Variants in PHACTR3 observed in about 807,000 individuals in gnomAD.
PHACTR3 encodes phosphatase and actin regulator 3, also known as protein phosphatase 1, regulatory subunit 123.
PHACTR3 carries 16 observed loss-of-function variants against 66.8 expected under a neutral mutation model. The observed-to-expected ratio is 0.24, with a 90% confidence interval of 0.16 to 0.36. The LOEUF (loss-of-function observed/expected upper bound fraction) is 0.36. Ranked by LOEUF, PHACTR3 falls within the 10% of genes least tolerant of loss-of-function variation. The probability of loss-of-function intolerance (pLI) is 1.00; values close to 1 mark genes in which losing one functional copy is unlikely to be tolerated. For synonymous variants in PHACTR3, 323 were observed against 292.1 expected (o/e 1.11, Z -1.08); for missense variants, 647 against 719.9 (o/e 0.90, Z 1.16).
In PHACTR3 at chr20:59,604,714, T is replaced by C; in HGVS notation, c.-301T>C. Reference sequence around the variant, plus strand: ...TTTTATTTCCTGGTTCAACTTTTTTTTTTTTCCCTGGAATATAGACTGAAG... The same window carrying C: ...TTTTATTTCCTGGTTCAACTTTTTTCTTTTTCCCTGGAATATAGACTGAAG... On this transcript the variant is annotated 5_prime_UTR_variant, in exon 1 of 13. Coordinates refer to ENST00000371015, the MANE Select transcript of PHACTR3 (RefSeq NM_080672.5). 2 of 1,053,336 alleles carry C rather than the reference T, an allele frequency of 1.9e-6. No homozygotes were observed. The highest frequency in any genetic ancestry group is 2.3e-6 in the Non-Finnish European group (2 of 875,824). The allele number at this position is 1,053,336 out of a possible 1,614,324, so 65.2% of individuals were successfully genotyped here.
intron 1 of PHACTR3, among the ~76,000 whole-genome samples, chr20:59,627,543 C>T (rs1301197981): frequency 6.6e-6 from 1 of 152,154 alleles, no homozygotes; most frequent in Non-Finnish European, 1.5e-5. Flanking sequence ...AATCAATGCT[C>T]TGTTCAGCTG....
chr20:59,829,485 T>C lies in PHACTR3; in HGVS notation c.1329-7020T>C, dbSNP rs898072058. ...CTCTGAGACATAGGGTCAATGTGCC[T>C]GTCATCCGTGCACCCAGATGGTGTG... On this transcript the variant is annotated intron_variant, in intron 8 of 12. Transcript: ENST00000371015. The surrounding 1 kb of genome is among the most constrained non-coding windows in gnomAD (Gnocchi z 4.2). Among the ~76,000 whole-genome samples the C allele has an allele frequency of 2.6e-5, 4 of 152,328 alleles. No individual in the cohort carries two copies. The East Asian group carries it at 7.7e-4, about 29-fold the overall frequency.
intron 1 of PHACTR3, among the ~76,000 whole-genome samples, chr20:59,673,648 C>T (rs1220588641): frequency 1.3e-5 from 2 of 152,128 alleles, no homozygotes; most frequent in African/African-American, 4.8e-5. Context: ...CCTGTGGAGG[C>T]CCCAGGATTC....
At chr20:59,591,656 G>A (rs747999693) in intron 1 of PHACTR3, among the ~76,000 whole-genome samples, 3 of 151,910 alleles carry the variant, frequency 2.0e-5, no homozygotes, top group Non-Finnish European at 2.9e-5. Context: ...GGTCTCACCC[G>A]TTGAGACCCA....
chr20:59,827,178 A>G (rs1375018840), intron 8 of PHACTR3, among the ~76,000 whole-genome samples: 3 of 152,102 alleles, frequency 2.0e-5, no homozygotes, highest in Non-Finnish European at 4.4e-5. Context: ...CTCTCAGGGC[A>G]GCCCGGGAAC....
intron 7 of PHACTR3, among the ~76,000 whole-genome samples, chr20:59,793,827 A>C (rs1418539227): frequency 6.6e-6 from 1 of 152,004 alleles, no homozygotes; most frequent in Non-Finnish European, 1.5e-5. Context: ...AAGTAGTAAA[A>C]GTGGGCATCC....
chr20:59,739,549 C>A (rs918267536), intron 1 of PHACTR3, among the ~76,000 whole-genome samples: 2 of 152,052 alleles, frequency 1.3e-5, no homozygotes, highest in African/African-American at 4.8e-5. Flanking sequence ...AAGTGCAGGG[C>A]GAAGGGGGAG....
At chr20:59,592,831 A>AT (rs59809472) in intron 1 of PHACTR3, among the ~76,000 whole-genome samples, 12 of 151,358 alleles carry the variant, frequency 7.9e-5, no homozygotes, top group Non-Finnish European at 1.5e-4. Flanking sequence ...TTTATAGTTC[A>AT]TTTTTTTTTG....
chr20:59,688,786 G>A (rs977267773), intron 1 of PHACTR3, among the ~76,000 whole-genome samples: 3 of 152,054 alleles, frequency 2.0e-5, no homozygotes, highest in African/African-American at 7.2e-5. Context: ...AAATAATGAT[G>A]AAACTTTTTC....
chr20:59,837,860 A>G (rs775299769), intron 9 of PHACTR3, among the ~76,000 whole-genome samples: 3 of 152,140 alleles, frequency 2.0e-5, no homozygotes, highest in Non-Finnish European at 2.9e-5. Context: ...CCAGACCTTT[A>G]ACCCAGGAAC....
At chr20:59,727,629 C>G (rs979381272) in intron 1 of PHACTR3, among the ~76,000 whole-genome samples, 11 of 152,126 alleles carry the variant, frequency 7.2e-5, no homozygotes, top group African/African-American at 2.4e-4. Flanking sequence ...AGTCACCTCT[C>G]CCTCTGAGCC....
intron 4 of PHACTR3, among the ~76,000 whole-genome samples, chr20:59,762,200 G>A (rs1002190885): frequency 6.6e-6 from 1 of 152,240 alleles, no homozygotes; most frequent in Non-Finnish European, 1.5e-5. Context: ...GACTTTGGAG[G>A]AGGGTTTTGG....
chr20:59,723,197 C>G (rs949304155), intron 1 of PHACTR3, among the ~76,000 whole-genome samples: 5 of 151,492 alleles, frequency 3.3e-5, no homozygotes, highest in African/African-American at 1.2e-4. Context: ...TTTTGCTACA[C>G]TCACGGGTTT....
chr20:59,817,201 A>G (rs1029280390), intron 8 of PHACTR3, among the ~76,000 whole-genome samples: 8 of 152,258 alleles, frequency 5.3e-5, no homozygotes, highest in Non-Finnish European at 8.8e-5. Context: ...CCTATTCAGA[A>G]GTGTATTTGT....
intron 1 of PHACTR3, among the ~76,000 whole-genome samples, chr20:59,646,203 G>A (rs2035276779): frequency 6.6e-6 from 1 of 152,108 alleles, no homozygotes; most frequent in South Asian, 2.1e-4. Context: ...CTTGTTAGTG[G>A]GAGCCCTGGG....
intron 1 of PHACTR3, among the ~76,000 whole-genome samples, chr20:59,715,209 C>T (rs1034385587): frequency 5.3e-5 from 8 of 152,028 alleles, no homozygotes; most frequent in African/African-American, 1.4e-4. Context: ...TTCCCAATCT[C>T]GGAGGGAAAG....
chr20:59,624,738 A>G (rs1443840301), intron 1 of PHACTR3, among the ~76,000 whole-genome samples: 1 of 152,092 alleles, frequency 6.6e-6, no homozygotes, highest in East Asian at 1.9e-4. Flanking sequence ...ACTCAGTCTG[A>G]TGGAAAGAAG....
intron 8 of PHACTR3, among the ~76,000 whole-genome samples, chr20:59,828,805 G>A (rs928601517): frequency 3.3e-5 from 5 of 152,086 alleles, no homozygotes; most frequent in African/African-American, 7.2e-5. Context: ...GTGGGAACCC[G>A]GGCTTGAGCT....
Position 59,768,274 on chromosome 20 carries a change from A to G in PHACTR3, c.751+879A>G, listed in dbSNP as rs146706755. Among the ~76,000 whole-genome samples the G allele has an allele frequency of 1.4e-4, 21 of 152,360 alleles. No individual in the cohort carries two copies. The East Asian group carries it at 4.0e-3, about 29-fold the overall frequency. On this transcript the variant is annotated intron_variant, in intron 5 of 12. Transcript: ENST00000371015. ...GTTGATCAAGAGATAATGACTTTTCAGAGTAAAGCCTTGCGTGCTGTCTTT... is the reference window on the plus strand; with the variant it reads ...GTTGATCAAGAGATAATGACTTTTCGGAGTAAAGCCTTGCGTGCTGTCTTT...
Sources: gnomAD v4.1 joint callset for allele counts (sites outside exome capture counted in the v4.1 genomes callset) on GRCh38, gnomAD v4.1.1 for gene constraint, Gnocchi (gnomAD v3.1) non-coding constraint, MANE v1.5 for transcripts, NCBI Gene and HGNC (gene_info 2026-07-23, HGNC 2026-07-21) for gene names.